The following ANKRD29 variants were observed in gnomAD, a reference collection of about 807,000 sequenced individuals.
ANKRD29 encodes the protein ankyrin repeat domain 29.
Under a neutral mutation model 38.0 loss-of-function variants are expected in ANKRD29, and 32 were observed. The ratio of observed to expected loss-of-function variants is 0.84; its 90% CI spans 0.64 to 1.13. The LOEUF is 1.13. ANKRD29 is among the 50% of genes most tolerant of loss of function. The pLI is 0.00. For synonymous variants in ANKRD29, 135 were observed against 152.4 expected, an observed-to-expected ratio of 0.89 and a Z score of 0.84; for missense variants, 357 against 377.9, an observed-to-expected ratio of 0.94 and a Z score of 0.46.
chr18:23,661,910 G>C (rs1165387140), intron 1 of ANKRD29, among the ~76,000 whole-genome samples: 1 of 151,908 alleles, frequency 6.6e-6, no homozygotes, highest in African/African-American at 2.4e-5. Flanking sequence ...TGTCGGCAAC[G>C]GGATTACAGT....
intron 1 of ANKRD29, among the ~76,000 whole-genome samples, chr18:23,651,592 A>G (rs948969881): frequency 1.3e-5 from 2 of 152,216 alleles, no homozygotes; most frequent in African/African-American, 4.8e-5. Context: ...ACACACAAGA[A>G]TGATAGACTG....
chr18:23,642,252 A>G (rs146961527), intron 3 of ANKRD29, among the ~76,000 whole-genome samples: 158 of 151,902 alleles, frequency 1.0e-3, no homozygotes, highest in Non-Finnish European at 1.9e-3. Flanking sequence ...ATGAGGAGAG[A>G]GGAGCTACAG....
intron 5 of ANKRD29, among the ~76,000 whole-genome samples, chr18:23,631,715 C>G (rs1212168103): frequency 6.6e-6 from 1 of 152,186 alleles, no homozygotes; most frequent in Non-Finnish European, 1.5e-5. Flanking sequence ...TGCATAAAGC[C>G]CAGAGCAAGT....
intron 6 of ANKRD29, among the ~76,000 whole-genome samples, chr18:23,623,031 A>T (rs2145668954): frequency 6.6e-6 from 1 of 152,344 alleles, no homozygotes; most frequent in South Asian, 2.1e-4. Flanking sequence ...AGGAAAAATT[A>T]TTAGCTTCGC....
chr18:23,630,199 T>C (rs1007972500), intron 5 of ANKRD29, among the ~76,000 whole-genome samples: 2 of 151,930 alleles, frequency 1.3e-5, no homozygotes, highest in African/African-American at 4.8e-5. Flanking sequence ...CCGAGGCAGG[T>C]GGATCACCTG....
intron 1 of ANKRD29, among the ~76,000 whole-genome samples, chr18:23,660,117 ATAAAT>A (rs1314319181): frequency 6.6e-6 from 1 of 152,156 alleles, no homozygotes; most frequent in African/African-American, 2.4e-5. Flanking sequence ...TCTCAAAAAA[ATAAAT>A]AAAATAAATA....
chr18:23,609,577 T>C (rs2059615719), intron 9 of ANKRD29, among the ~76,000 whole-genome samples: 1 of 152,246 alleles, frequency 6.6e-6, no homozygotes, highest in East Asian at 1.9e-4. Flanking sequence ...CGGTTACACT[T>C]GCTTGGATTC....
At chr18:23,650,753 T>C (rs2060200579) in intron 1 of ANKRD29, among the ~76,000 whole-genome samples, 1 of 152,198 alleles carries the variant, frequency 6.6e-6, no homozygotes, top group Admixed American at 6.5e-5. Flanking sequence ...TTTTGCCTAA[T>C]ATTGTACCCA....
intron 9 of ANKRD29, among the ~76,000 whole-genome samples, chr18:23,609,615 C>T (rs962333694): frequency 6.6e-6 from 1 of 152,152 alleles, no homozygotes; most frequent in African/African-American, 2.4e-5. Context: ...AGCATTTTGC[C>T]CACTTGAAAT....
At chr18:23,649,017 G>C in intron 2 of ANKRD29, 66 bp downstream of exon 2, 1 of 1,294,906 alleles carries the variant, frequency 7.7e-7, no homozygotes, top group Non-Finnish European at 1.1e-6. Context: ...ATGTATTCCT[G>C]AGGTGCTCCT....
In ANKRD29 at chr18:23,601,188, G is replaced by T. The variant is rs753975139; in HGVS notation, c.*38C>A. ...ATGCAATTTCTTTTTGGACAATGTG[G>T]TTAAGCTTTCTATCTTTCTGTCAAA... On this transcript the variant is annotated 3_prime_UTR_variant, in exon 10 of 10. Transcript: ENST00000592179. 2 of 1,576,016 alleles carry T rather than the reference G, an allele frequency of 1.3e-6. No individual in the cohort carries two copies. Among genetic ancestry groups the T allele is most frequent in the Admixed American group, 1.7e-5 (1 of 59,142 alleles).
chr18:23,642,596 G>T (rs2060091883), intron 3 of ANKRD29, among the ~76,000 whole-genome samples: 1 of 152,216 alleles, frequency 6.6e-6, no homozygotes, highest in South Asian at 2.1e-4. Context: ...TGGGCCAAGT[G>T]GGCAGAATGA....
intron 1 of ANKRD29, among the ~76,000 whole-genome samples, chr18:23,660,583 A>G (rs906341206): frequency 6.6e-6 from 1 of 152,128 alleles, no homozygotes; most frequent in Non-Finnish European, 1.5e-5. Context: ...GAGGCGGGCG[A>G]TCACGTGAGG....
rs539010536 is a variant in ANKRD29 at position 23,623,544 on chromosome 18, G to C, written c.529-3915C>G. Reference sequence around the variant, plus strand: ...TCACACCTGTAATCCCAGCACTTTGGGGGGCCAAGGCGGGAGGATGGCTTG... The same window carrying C: ...TCACACCTGTAATCCCAGCACTTTGCGGGGCCAAGGCGGGAGGATGGCTTG... On this transcript the variant is annotated intron_variant, in intron 6 of 9. Transcript: ENST00000592179. Among the ~76,000 whole-genome samples the C allele has an allele frequency of 3.3e-5, 5 of 152,062 alleles. No homozygotes were observed. In the East Asian group the frequency reaches 5.8e-4, roughly 18 times the overall value.
chr18:23,619,692 C>A (rs1343105082), intron 6 of ANKRD29, 63 bp from the exon 7 acceptor site: 1 of 1,390,196 alleles, frequency 7.2e-7, no homozygotes, highest in Non-Finnish European at 9.6e-7. Flanking sequence ...GCTCACAGAA[C>A]GTCTTTAACA....
intron 4 of ANKRD29, among the ~76,000 whole-genome samples, chr18:23,637,078 G>C (rs1305574596): frequency 2.0e-5 from 3 of 152,178 alleles, no homozygotes; most frequent in Admixed American, 2.0e-4. Context: ...GGATTTCTGA[G>C]ATAGTACAAA....
Position 23,634,091 on chromosome 18 carries a change from G to T in ANKRD29, c.389C>A (p.Thr130Asn). Residue 130 changes from threonine to asparagine, a missense_variant, in exon 5 of 10, where the codon ACC becomes AAC. Thr to Asn is a moderately conservative substitution (Grantham distance 65). Transcript: ENST00000592179. Reference protein sequence around the residue: ...SQYGHMQVVETLLKHGANIHD... With the variant: ...SQYGHMQVVENLLKHGANIHD... ...GATGTTTGCTCCGTGCTTCAGCAAG[G>T]TCTCCACCACCTGCATGTGCCCGTA... 6.2e-7 allele frequency: 1 copy of T among 1,614,150 alleles called. No individual in the cohort carries two copies. The highest frequency in any genetic ancestry group is 8.5e-7 in the Non-Finnish European group (1 of 1,180,042).
intron 6 of ANKRD29, among the ~76,000 whole-genome samples, chr18:23,626,603 T>C (rs1336646692): frequency 1.3e-5 from 2 of 152,220 alleles, no homozygotes; most frequent in Non-Finnish European, 2.9e-5. Context: ...TAGGACAATA[T>C]GGAAGGAAAA....
In ANKRD29 at chr18:23,648,975, C is replaced by T. The variant is rs778629704; in HGVS notation, c.132+108G>A. The stretch of plus-strand genomic sequence containing the variant: ...TTAAAAAGGATAAAGCAAGCAAACA[C>T]ATGAAAAAGTAAATAAGCATTGTAA... On this transcript the variant is annotated intron_variant, in intron 2 of 9. Coordinates refer to ENST00000592179, the MANE Select transcript of ANKRD29 (RefSeq NM_173505.4). 52 of 918,440 alleles carry T rather than the reference C, an allele frequency of 5.7e-5. 1 individual carries two copies. The highest frequency in any genetic ancestry group is 8.0e-5 in the Non-Finnish European group (48 of 597,472). 56.9% of individuals were successfully genotyped at this position (918,440 alleles called of 1,614,324 possible).
Sources: allele counts gnomAD v4.1 joint callset (sites outside exome capture counted in the v4.1 genomes callset), GRCh38; gene constraint gnomAD v4.1.1; transcripts MANE v1.5; gene names NCBI Gene and HGNC (gene_info 2026-07-23, HGNC 2026-07-21).